The following COL13A1 variants were observed in gnomAD, a reference collection of about 807,000 sequenced individuals.
COL13A1 encodes collagen type XIII alpha 1 chain.
COL13A1 carries 89 observed loss-of-function variants against 130.9 expected under a neutral mutation model. That is an observed-to-expected ratio of 0.68 (90% CI 0.57 to 0.81). COL13A1 has a LOEUF of 0.81. Among genes scored for constraint, COL13A1 ranks in the 30% least tolerant of loss-of-function variants. The pLI, the probability that COL13A1 is intolerant of heterozygous loss-of-function variation, is 0.00. For synonymous variants in COL13A1, 402 were observed against 341.6 expected, an observed-to-expected ratio of 1.18 and a Z score of -1.95; for missense variants, 879 against 934.6, an observed-to-expected ratio of 0.94 and a Z score of 0.78.
At chr10:69,809,989 C>G (rs550363643) in intron 1 of COL13A1, among the ~76,000 whole-genome samples, 11 of 152,172 alleles carry the variant, frequency 7.2e-5, no homozygotes, top group African/African-American at 2.2e-4. Context: ...ATCCCAGATC[C>G]TATTTGATCA....
At chr10:69,919,399 A>G (rs2064338830) in intron 20 of COL13A1, among the ~76,000 whole-genome samples, 1 of 152,242 alleles carries the variant, frequency 6.6e-6, no homozygotes, top group Non-Finnish European at 1.5e-5. Context: ...AAAGTTTGAG[A>G]AATGCTAGGT....
At chr10:69,950,726 G>T (rs1009360050) in intron 38 of COL13A1, among the ~76,000 whole-genome samples, 2 of 152,252 alleles carry the variant, frequency 1.3e-5, no homozygotes. Context: ...CGTTTTCTAA[G>T]TAAGGATTTG....
chr10:69,850,266 G>C (rs140744039), intron 2 of COL13A1, among the ~76,000 whole-genome samples: 1 of 150,450 alleles, frequency 6.6e-6, no homozygotes, highest in African/African-American at 2.4e-5. Context: ...GACACAGTAC[G>C]ATACAGGGCA....
intron 18 of COL13A1, 146 bp downstream of exon 18, chr10:69,917,479 T>C: frequency 1.4e-6 from 1 of 738,400 alleles, no homozygotes; most frequent in Non-Finnish European, 2.2e-6. Flanking sequence ...TGCAGCATTG[T>C]GGTCTCTCAT....
chr10:69,901,234 G>A (rs1162172110), intron 14 of COL13A1, among the ~76,000 whole-genome samples: 1 of 152,186 alleles, frequency 6.6e-6, no homozygotes, highest in Non-Finnish European at 1.5e-5. Context: ...TTCAACACCT[G>A]CTCCTCTGCC....
intron 2 of COL13A1, among the ~76,000 whole-genome samples, chr10:69,825,750 C>T (rs1449179810): frequency 6.6e-6 from 1 of 152,130 alleles, no homozygotes. Flanking sequence ...TGGGCGGCAC[C>T]CAGAAGGCCT....
chr10:69,902,473 G>T (rs1168364742), intron 14 of COL13A1, among the ~76,000 whole-genome samples: 4 of 152,004 alleles, frequency 2.6e-5, no homozygotes, highest in African/African-American at 9.7e-5. Flanking sequence ...CTCTGCCTCT[G>T]CCCCCCCGCA....
At chr10:69,867,865 G>A (rs909793996) in intron 3 of COL13A1, 60 bp downstream of exon 3, 8 of 717,594 alleles carry the variant, frequency 1.1e-5, no homozygotes, top group East Asian at 2.7e-5. Flanking sequence ...TGCTGGTAAC[G>A]GGGTTCTGGG....
intron 17 of COL13A1, among the ~76,000 whole-genome samples, chr10:69,911,628 A>G (rs1274288136): frequency 6.6e-6 from 1 of 152,230 alleles, no homozygotes; most frequent in Non-Finnish European, 1.5e-5. Flanking sequence ...AGGAGGTGGC[A>G]GCTGAGCTGT....
chr10:69,834,731 G>A (rs1054940664), intron 2 of COL13A1, among the ~76,000 whole-genome samples: 2 of 152,156 alleles, frequency 1.3e-5, no homozygotes, highest in African/African-American at 4.8e-5. Flanking sequence ...CAGAGCAGAA[G>A]GGGGGTAGGT....
At chr10:69,892,749 C>T (rs922450276) in intron 10 of COL13A1, among the ~76,000 whole-genome samples, 1 of 152,160 alleles carries the variant, frequency 6.6e-6, no homozygotes, top group Non-Finnish European at 1.5e-5. Context: ...TGTTGGACCT[C>T]GACATAATTA....
chr10:69,857,631 C>T (rs3858156), intron 2 of COL13A1, among the ~76,000 whole-genome samples: 31,728 of 151,430 alleles, frequency 0.21, 3,932 homozygotes, highest in East Asian at 0.55. Context: ...CCTCCCACCC[C>T]GAAAAATTGT....
chr10:69,914,172 A>G (rs7091292), intron 17 of COL13A1, among the ~76,000 whole-genome samples: 12,953 of 152,084 alleles, frequency 0.085, 600 homozygotes, highest in Middle Eastern at 0.19. Context: ...TGAAGCAGAC[A>G]CCACCTCCTC....
At chr10:69,956,780 G>A in intron 39 of COL13A1, 1 of 536,840 alleles carries the variant, frequency 1.9e-6, no homozygotes, top group Non-Finnish European at 3.4e-6. Context: ...TATTGACGTT[G>A]CACTATAGCT....
At chr10:69,864,860 C>T (rs1336543585) in intron 2 of COL13A1, among the ~76,000 whole-genome samples, 2 of 152,170 alleles carry the variant, frequency 1.3e-5, no homozygotes, top group African/African-American at 4.8e-5. Flanking sequence ...AATGTCCCCA[C>T]CCTGGATGGC....
intron 17 of COL13A1, among the ~76,000 whole-genome samples, chr10:69,911,185 G>A (rs1481742293): frequency 1.3e-5 from 2 of 152,136 alleles, no homozygotes; most frequent in East Asian, 1.9e-4. Flanking sequence ...CTGTGGCTGT[G>A]CTGGCCCTTC....
intron 1 of COL13A1, among the ~76,000 whole-genome samples, chr10:69,805,794 C>A (rs1284277610): frequency 2.6e-5 from 4 of 152,186 alleles, no homozygotes; most frequent in African/African-American, 4.8e-5. Context: ...CAGAGGAGAG[C>A]AATGGGTAAG....
intron 10 of COL13A1, among the ~76,000 whole-genome samples, chr10:69,893,139 C>A (rs1445367029): frequency 1.3e-5 from 2 of 152,198 alleles, no homozygotes; most frequent in African/African-American, 4.8e-5. Context: ...TTGCTTGAGT[C>A]TGGGAGTTTG....
intron 2 of COL13A1, among the ~76,000 whole-genome samples, chr10:69,842,195 C>G (rs1250708291): frequency 6.6e-6 from 1 of 152,140 alleles, no homozygotes; most frequent in East Asian, 1.9e-4. Flanking sequence ...GAATAAGTCT[C>G]GTGAGATCTG....
Sources: allele counts gnomAD v4.1 joint callset (sites outside exome capture counted in the v4.1 genomes callset), GRCh38; gene constraint gnomAD v4.1.1; transcripts MANE v1.5; gene names NCBI Gene and HGNC (gene_info 2026-07-23, HGNC 2026-07-21).